OTUD7A: variants seen among roughly 807,000 people sequenced by gnomAD.
The protein encoded by OTUD7A is OTU domain-containing protein 7A.
In OTUD7A, 12 loss-of-function variants were observed where a neutral mutation model predicts 65.7. The ratio of observed to expected loss-of-function variants is 0.18; its 90% CI spans 0.12 to 0.30. The LOEUF (loss-of-function observed/expected upper bound fraction) is 0.30, where lower values mean the gene tolerates loss of function less well. Among genes scored for constraint, OTUD7A ranks in the 10% least tolerant of loss-of-function variants. The pLI is 1.00. For missense variants in OTUD7A, 1,148 were observed against 1,304.8 expected (o/e 0.88, Z 1.85); for synonymous variants, 641 against 586.3 (o/e 1.09, Z -1.35).
intron 3 of OTUD7A, among the ~76,000 whole-genome samples, chr15:31,579,343 T>C (rs1158571172): frequency 6.6e-6 from 1 of 152,222 alleles, no homozygotes; most frequent in African/African-American, 2.4e-5. Context: ...TGGCTTCTCT[T>C]TGTCTTATCC....
intron 3 of OTUD7A, among the ~76,000 whole-genome samples, chr15:31,629,554 C>CT (rs753064578): frequency 6.6e-6 from 1 of 152,154 alleles, no homozygotes; most frequent in Non-Finnish European, 1.5e-5. Flanking sequence ...CTAAAATTCT[C>CT]TTTTTTGTGT....
At chr15:31,838,779 C>A (rs1238986032) in intron 1 of OTUD7A, among the ~76,000 whole-genome samples, 1 of 151,910 alleles carries the variant, frequency 6.6e-6, no homozygotes, top group Non-Finnish European at 1.5e-5. Context: ...TTTGAGGGCC[C>A]CCTACTACTA....
chr15:31,740,095 G>A (rs979824137), intron 1 of OTUD7A, among the ~76,000 whole-genome samples: 11 of 152,224 alleles, frequency 7.2e-5, no homozygotes, highest in African/African-American at 1.9e-4. Flanking sequence ...AAGGCCTAGC[G>A]GAGTGTGAGG....
intron 5 of OTUD7A, among the ~76,000 whole-genome samples, chr15:31,537,928 C>T (rs1887858267): frequency 6.6e-6 from 1 of 152,192 alleles, no homozygotes; most frequent in African/African-American, 2.4e-5. Context: ...TTGTCTTGCC[C>T]GCCCCACAGC....
chr15:31,852,048 G>GGGGTTTCACCATGTTGGTCA (rs1268879416), intron 1 of OTUD7A, among the ~76,000 whole-genome samples: 1 of 152,110 alleles, frequency 6.6e-6, no homozygotes, highest in Non-Finnish European at 1.5e-5. Flanking sequence ...TAGTAGAGAC[G>GGGGTTTCACCATGTTGGTCA]GGGTTTCACC....
chr15:31,750,802 G>A (rs1287730603), intron 1 of OTUD7A, among the ~76,000 whole-genome samples: 2 of 152,028 alleles, frequency 1.3e-5, no homozygotes, highest in African/African-American at 4.8e-5. Context: ...TAGAAACAAA[G>A]TTGACAAAAA....
At chr15:31,774,453 T>A (rs1895318222) in intron 1 of OTUD7A, among the ~76,000 whole-genome samples, 1 of 152,228 alleles carries the variant, frequency 6.6e-6, no homozygotes, top group Non-Finnish European at 1.5e-5. Flanking sequence ...AAAAGAGAAC[T>A]TTGAAAGACC....
chr15:31,571,011 A>C lies in OTUD7A; in HGVS notation c.152-814T>G, dbSNP rs373100044. ...TAACAATAACTTAATGTATATTTCAAAATAACTAGAAATGTAGATTTGGAA... is the reference window on the plus strand; with the variant it reads ...TAACAATAACTTAATGTATATTTCACAATAACTAGAAATGTAGATTTGGAA... On this transcript the variant is annotated intron_variant, in intron 3 of 12. Coordinates refer to ENST00000307050, the MANE Select transcript of OTUD7A (RefSeq NM_001382637.1). Among the ~76,000 whole-genome samples, 25 of 152,350 alleles carry C rather than the reference A, an allele frequency of 1.6e-4. No homozygotes were observed. The East Asian group carries it at 4.8e-3, about 29-fold the overall frequency.
At chr15:31,607,270 T>C (rs1890265349) in intron 3 of OTUD7A, among the ~76,000 whole-genome samples, 6 of 152,274 alleles carry the variant, frequency 3.9e-5, no homozygotes, top group African/African-American at 1.2e-4. Context: ...AAACTAGTAC[T>C]CAGGGCCCTC....
At chr15:31,849,070 T>C (rs998794084) in intron 1 of OTUD7A, among the ~76,000 whole-genome samples, 1 of 152,240 alleles carries the variant, frequency 6.6e-6, no homozygotes, top group African/African-American at 2.4e-5. Context: ...GAGCTTCTGC[T>C]GAGAGATCCA....
chr15:31,637,052 A>G (rs1891363949), intron 3 of OTUD7A, among the ~76,000 whole-genome samples: 1 of 152,216 alleles, frequency 6.6e-6, no homozygotes, highest in African/African-American at 2.4e-5. Context: ...TAGATCTTAG[A>G]AGATCTAGCT....
intron 7 of OTUD7A, among the ~76,000 whole-genome samples, 187 bp downstream of exon 7, chr15:31,526,992 ACT>A (rs1192077782): frequency 6.6e-6 from 1 of 152,048 alleles, no homozygotes; most frequent in East Asian, 1.9e-4. Context: ...GTCTGCCGGG[ACT>A]CTGCTATTTT....
rs530731821 is a variant in OTUD7A at position 31,869,019 on chromosome 15, C to T, written c.-100+1488G>A. On this transcript the variant is annotated intron_variant, in intron 1 of 12. Transcript: ENST00000307050. ...AGGAGGTGTCATTAATTATTAAATACAAAAATGTCAATACTTTTGTCCCTT... is the reference window on the plus strand; with the variant it reads ...AGGAGGTGTCATTAATTATTAAATATAAAAATGTCAATACTTTTGTCCCTT... 7.9e-5 allele frequency among the ~76,000 whole-genome samples: 12 copies of T among 152,260 alleles called. No individual in the cohort carries two copies. In the East Asian group the frequency reaches 1.9e-3, roughly 24 times the overall value.
At position 31,475,471 on chromosome 15, in the gene OTUD7A, G is replaced by T. The variant is rs1253272435; in HGVS notation, c.*7823C>A. On this transcript the variant is annotated 3_prime_UTR_variant, in exon 13 of 13. Transcript: ENST00000307050. ...CTGTGTCAGGTAATGGAGAAGCCAT[G>T]TCACACAGATTACAGAGCTATTTTT... The T allele has an allele frequency of 6.6e-6, 1 of 152,190 alleles. No homozygotes were observed. Among genetic ancestry groups the T allele is most frequent in the Non-Finnish European group, 1.5e-5 (1 of 68,034 alleles). 9.4% of individuals were successfully genotyped at this position (152,190 alleles called of 1,614,324 possible).
intron 3 of OTUD7A, among the ~76,000 whole-genome samples, chr15:31,585,814 G>A (rs534306423): frequency 6.6e-6 from 1 of 152,228 alleles, no homozygotes; most frequent in Non-Finnish European, 1.5e-5. Flanking sequence ...AGAAAAATAT[G>A]GAAGAACACA....
intron 3 of OTUD7A, among the ~76,000 whole-genome samples, chr15:31,584,245 C>T (rs1298703002): frequency 6.6e-6 from 1 of 152,184 alleles, no homozygotes; most frequent in Non-Finnish European, 1.5e-5. Flanking sequence ...TCCAAAGAGC[C>T]AGACCTTTCT....
intron 1 of OTUD7A, among the ~76,000 whole-genome samples, chr15:31,723,394 A>ACCCCCC (rs56722732): frequency 2.2e-5 from 1 of 44,786 alleles, no homozygotes; most frequent in African/African-American, 1.1e-4. Context: ...ACCGCACGCC[A>ACCCCCC]CCCCCCCCCC....
intron 1 of OTUD7A, among the ~76,000 whole-genome samples, chr15:31,674,341 G>A (rs1033488515): frequency 2.0e-5 from 3 of 152,250 alleles, no homozygotes; most frequent in African/African-American, 7.2e-5. Flanking sequence ...ATGTTATGAG[G>A]CCAGTGGGAG....
rs555438713 is a variant in OTUD7A at position 31,638,517 on chromosome 15, C to T, written c.151+16579G>A. On this transcript the variant is annotated intron_variant, in intron 3 of 12. Transcript: ENST00000307050. ...ACCTCAGCCTCCCCAGTAGCTGGGA[C>T]GACAGGCATGCACCACCAAACCAGG... 4.6e-5 allele frequency among the ~76,000 whole-genome samples: 7 copies of T among 150,720 alleles called. No homozygotes were observed. In the South Asian group the frequency reaches 1.1e-3, roughly 23 times the overall value.
Sources: allele counts gnomAD v4.1 joint callset (sites outside exome capture counted in the v4.1 genomes callset), GRCh38; gene constraint gnomAD v4.1.1; transcripts MANE v1.5; gene names NCBI Gene and HGNC (gene_info 2026-07-23, HGNC 2026-07-21).